Variants in LRRC8C observed in about 807,000 individuals in gnomAD.
The protein encoded by LRRC8C is volume-regulated anion channel subunit LRRC8C.
Under a neutral mutation model 55.3 loss-of-function variants are expected in LRRC8C, and 20 were observed. The ratio of observed to expected loss-of-function variants is 0.36; its 90% confidence interval spans 0.25 to 0.53. The LOEUF (loss-of-function observed/expected upper bound fraction) is 0.53. Ranked by LOEUF, LRRC8C falls within the 20% of genes least tolerant of loss-of-function variation. LRRC8C has a pLI of 0.92. For missense variants in LRRC8C, 659 were observed against 951.4 expected, an observed-to-expected ratio of 0.69 and a Z score of 4.04; for synonymous variants, 376 against 360.7, an observed-to-expected ratio of 1.04 and a Z score of -0.48.
the LRRC8C span, among the ~76,000 whole-genome samples, chr1:89,624,094 G>A: frequency 6.6e-6 from 1 of 152,210 alleles, no homozygotes; most frequent in Admixed American, 6.5e-5. Context: ...GAGCGAGAAA[G>A]CACCTAACTC....
chr1:89,642,455 C>T (rs1261660400), intron 1 of LRRC8C, among the ~76,000 whole-genome samples: 3 of 152,226 alleles, frequency 2.0e-5, no homozygotes, highest in African/African-American at 4.8e-5. Flanking sequence ...TGGCTCCTGC[C>T]TGTAATCCCA....
chr1:89,632,413 T>A (rs1400359381), upstream of LRRC8C, among the ~76,000 whole-genome samples: 1 of 152,158 alleles, frequency 6.6e-6, no homozygotes, highest in African/African-American at 2.4e-5. Flanking sequence ...GCGGTGCAGT[T>A]GGGGATTCCG....
intron 1 of LRRC8C, among the ~76,000 whole-genome samples, chr1:89,664,454 A>G (rs1657202544): frequency 6.6e-6 from 1 of 151,974 alleles, no homozygotes. Flanking sequence ...ATGGTTGTAG[A>G]GGTGTGGTGG....
At chr1:89,647,122 G>A (rs1656634823) in intron 1 of LRRC8C, among the ~76,000 whole-genome samples, 3 of 152,034 alleles carry the variant, frequency 2.0e-5, no homozygotes, top group African/African-American at 7.2e-5. Context: ...GCCTACTGTT[G>A]ACCTAATTAA....
At chr1:89,681,040 A>C (rs1050990714) in intron 1 of LRRC8C, among the ~76,000 whole-genome samples, 1 of 152,272 alleles carries the variant, frequency 6.6e-6, no homozygotes, top group African/African-American at 2.4e-5. Context: ...TAGCAAGTTG[A>C]AAATCAAGGT....
chr1:89,676,553 T>C (rs955562051), intron 1 of LRRC8C, among the ~76,000 whole-genome samples: 2 of 152,200 alleles, frequency 1.3e-5, no homozygotes, highest in Non-Finnish European at 2.9e-5. Flanking sequence ...AGTTGGTCCT[T>C]ACTACAAAAT....
At chr1:89,634,039 A>G (rs1332700381) in intron 1 of LRRC8C, among the ~76,000 whole-genome samples, 1 of 152,172 alleles carries the variant, frequency 6.6e-6, no homozygotes, top group East Asian at 1.9e-4. Context: ...TTCTGTGGAC[A>G]CGAATGCCTT....
At chr1:89,680,250 T>G (rs1328388100) in intron 1 of LRRC8C, among the ~76,000 whole-genome samples, 1 of 152,072 alleles carries the variant, frequency 6.6e-6, no homozygotes, top group African/African-American at 2.4e-5. Flanking sequence ...GCTAATTTTT[T>G]GTATTTTTAG....
rs1343969575 is a variant in LRRC8C, at chr1:89,715,691, GCTCCTCCCACCTTAATCTCA to G, written c.*710_*729del. The G allele has an allele frequency of 5.9e-5, 9 of 152,114 alleles. No homozygotes were observed. The highest frequency in any genetic ancestry group is 2.2e-4 in the African/African-American group (9 of 41,396). 9.4% of individuals were successfully genotyped at this position (152,114 alleles called of 1,614,324 possible). A position where few individuals can be genotyped will look rare whatever the true frequency, so the allele number is the denominator to read the frequency against. ...AAATATTTAAAACCTAAATACAGAGGCTCCTCCCACCTTAATCTCAATACTGCTATGTAGTACTGGTGAAC... is the reference window on the plus strand; with the variant it reads ...AAATATTTAAAACCTAAATACAGAGGATACTGCTATGTAGTACTGGTGAAC... On this transcript the variant is annotated 3_prime_UTR_variant, in exon 3 of 3. Transcript: ENST00000370454.
At chr1:89,660,860 T>C (rs1403231659) in intron 1 of LRRC8C, among the ~76,000 whole-genome samples, 5 of 152,222 alleles carry the variant, frequency 3.3e-5, no homozygotes, top group Admixed American at 6.5e-5. Flanking sequence ...TTTGGTCATT[T>C]AACAATGGGT....
chr1:89,693,740 C>T (rs1658090647), intron 2 of LRRC8C, among the ~76,000 whole-genome samples: 1 of 143,912 alleles, frequency 6.9e-6, no homozygotes, highest in Non-Finnish European at 1.5e-5. Flanking sequence ...TCACTGCAAC[C>T]TCTGCCTCCC....
In LRRC8C at chr1:89,718,955, C is replaced by A. The variant is rs971071878; in HGVS notation, c.*3973C>A. ...TGCAAGAAACCTTGGACAGTCTTCA[C>A]CAGACCTGCCATGATTTTATAAGAT... On this transcript the variant is annotated 3_prime_UTR_variant, in exon 3 of 3. Coordinates refer to ENST00000370454, the MANE Select transcript of LRRC8C (RefSeq NM_032270.5). 2.6e-5 allele frequency: 4 copies of A among 152,142 alleles called. No homozygotes were observed. Among genetic ancestry groups the A allele is most frequent in the African/African-American group, 9.7e-5 (4 of 41,424 alleles). The allele number at this position is 152,142 out of a possible 1,614,324, so 9.4% of individuals were successfully genotyped here.
intron 2 of LRRC8C, among the ~76,000 whole-genome samples, chr1:89,701,654 A>G (rs1364600930): frequency 1.3e-5 from 2 of 152,184 alleles, no homozygotes; most frequent in Non-Finnish European, 2.9e-5. Flanking sequence ...CAAGCAACAC[A>G]ATTTTTCATA....
chr1:89,630,213 C>T (rs1021916515), upstream of LRRC8C, among the ~76,000 whole-genome samples: 4 of 152,230 alleles, frequency 2.6e-5, no homozygotes, highest in African/African-American at 9.6e-5. Flanking sequence ...TTACAGCTAA[C>T]AACAAAACAA....
At chr1:89,683,391 G>A (rs913931860) in intron 1 of LRRC8C, among the ~76,000 whole-genome samples, 3 of 147,944 alleles carry the variant, frequency 2.0e-5, no homozygotes, top group Admixed American at 6.8e-5. Context: ...ATGGAGTCTC[G>A]CTCTCCACCA....
At chr1:89,662,485 T>C (rs979503077) in intron 1 of LRRC8C, among the ~76,000 whole-genome samples, 1 of 152,210 alleles carries the variant, frequency 6.6e-6, no homozygotes, top group Non-Finnish European at 1.5e-5. Context: ...GATGACTCTC[T>C]AGGGGTCATT....
At chr1:89,642,121 G>T (rs1656473562) in intron 1 of LRRC8C, among the ~76,000 whole-genome samples, 1 of 152,152 alleles carries the variant, frequency 6.6e-6, no homozygotes, top group Admixed American at 6.5e-5. Context: ...AGAACTCAGG[G>T]AGTATCTAAT....
At chr1:89,673,255 G>A (rs898324660) in intron 1 of LRRC8C, among the ~76,000 whole-genome samples, 1 of 152,004 alleles carries the variant, frequency 6.6e-6, no homozygotes, top group South Asian at 2.1e-4. Flanking sequence ...TCAAGCACCC[G>A]CAATCCGCCT....
Position 89,715,104 on chromosome 1 carries a change from C to T in LRRC8C, c.*122C>T, listed in dbSNP as rs1257869368. On this transcript the variant is annotated 3_prime_UTR_variant, in exon 3 of 3. Coordinates refer to ENST00000370454, the MANE Select transcript of LRRC8C (RefSeq NM_032270.5). Reference sequence around the variant, plus strand: ...TCACACAAAATGTACACAAAGATCGCGTAAGGAGTATGTATTTTTAATAAA... The same window carrying T: ...TCACACAAAATGTACACAAAGATCGTGTAAGGAGTATGTATTTTTAATAAA... 7 of 507,560 alleles carry T rather than the reference C, an allele frequency of 1.4e-5. No individual in the cohort carries two copies. The highest frequency in any genetic ancestry group is 6.5e-5 in the East Asian group (2 of 30,798). 31.4% of individuals were successfully genotyped at this position (507,560 alleles called of 1,614,324 possible). A position where few individuals can be genotyped will look rare whatever the true frequency, so the allele number is the denominator to read the frequency against.
Sources: gnomAD v4.1 joint callset for allele counts (sites outside exome capture counted in the v4.1 genomes callset) on GRCh38, gnomAD v4.1.1 for gene constraint, MANE v1.5 for transcripts, NCBI Gene and HGNC (gene_info 2026-07-23, HGNC 2026-07-21) for gene names.